The following HIPK4 variants were observed in gnomAD, a reference collection of about 807,000 sequenced individuals.
HIPK4 encodes the protein homeodomain interacting protein kinase 4.
HIPK4 carries 26 observed loss-of-function variants against 44.8 expected under a neutral mutation model. The observed-to-expected ratio is 0.58, with a 90% confidence interval of 0.43 to 0.80. The LOEUF (loss-of-function observed/expected upper bound fraction) is 0.80, where lower values mean the gene tolerates loss of function less well. HIPK4 is among the 30% of genes least tolerant of loss of function. The pLI is 0.00. For synonymous variants in HIPK4, 340 were observed against 355.5 expected (o/e 0.96, Z 0.49); for missense variants, 729 against 862.6 (o/e 0.85, Z 1.94).
intron 2 of HIPK4, among the ~76,000 whole-genome samples, chr19:40,381,895 T>C (rs1233617851): frequency 1.5e-5 from 2 of 135,992 alleles, no homozygotes; most frequent in Non-Finnish European, 1.5e-5. Context: ...AACCTCCACC[T>C]CCCAGGTTCA....
intron 1 of HIPK4, among the ~76,000 whole-genome samples, chr19:40,388,372 A>G (rs1419472255): frequency 6.6e-6 from 1 of 152,256 alleles, no homozygotes; most frequent in East Asian, 1.9e-4. Context: ...ATTAATTGCT[A>G]TTCTGATCCC....
intron 1 of HIPK4, among the ~76,000 whole-genome samples, chr19:40,388,678 C>T (rs1258194350): frequency 2.0e-5 from 3 of 152,204 alleles, no homozygotes; most frequent in Non-Finnish European, 4.4e-5. Flanking sequence ...AGGGACACAG[C>T]GATGATTAAG....
intron 1 of HIPK4, among the ~76,000 whole-genome samples, chr19:40,385,151 C>T (rs539025916): frequency 1.3e-5 from 2 of 152,334 alleles, no homozygotes; most frequent in South Asian, 4.1e-4. Flanking sequence ...CCTAGACCAA[C>T]GCGGGGGTCT....
intron 2 of HIPK4, among the ~76,000 whole-genome samples, chr19:40,382,075 G>A (rs543459762): frequency 6.6e-6 from 1 of 152,052 alleles, no homozygotes; most frequent in Non-Finnish European, 1.5e-5. Flanking sequence ...CAAAGTGCTG[G>A]GATTACAGGT....
At chr19:40,384,167 G>A in intron 1 of HIPK4, 28 bp from the exon 2 acceptor site, 1 of 1,538,320 alleles carries the variant, frequency 6.5e-7, no homozygotes, top group Non-Finnish European at 8.8e-7. Flanking sequence ...GAGGGCGAGT[G>A]GGCAGGTCAA....
In HIPK4 at chr19:40,379,483, T is replaced by G; in HGVS notation, c.*104A>C. 1 of 983,280 alleles carries G rather than the reference T, an allele frequency of 1.0e-6. No individual in the cohort carries two copies. The highest frequency in any genetic ancestry group is 1.8e-5 in the South Asian group (1 of 54,548). The allele number at this position is 983,280 out of a possible 1,614,324, so 60.9% of individuals were successfully genotyped here. ...CTGGATAACTATCTTTCTGTAAGAATAATTTGTGGGTTCAGGAGATGGCTC... is the reference window on the plus strand; with the variant it reads ...CTGGATAACTATCTTTCTGTAAGAAGAATTTGTGGGTTCAGGAGATGGCTC... On this transcript the variant is annotated 3_prime_UTR_variant, in exon 4 of 4. Transcript: ENST00000291823.
In HIPK4 at chr19:40,389,570, G is replaced by A. The variant is rs971876387; in HGVS notation, c.333C>T (p.Arg111=). 6.8e-6 allele frequency: 11 copies of A among 1,613,704 alleles called. No homozygotes were observed. The highest frequency in any genetic ancestry group is 5.5e-5 in the South Asian group (5 of 91,090). Residue 111 remains arginine (R), a synonymous_variant, in exon 1 of 4, where the codon CGC becomes CGT. Coordinates refer to ENST00000291823, the MANE Select transcript of HIPK4 (RefSeq NM_144685.5). This position sits in a 1 kb window ranked among gnomAD's most constrained non-coding sequence, Gnocchi z 4.6. The part of the protein sequence containing the change: ...KENNFAPLPA[R]HIRTVTLQVL... Reference sequence around the variant, plus strand: ...CCTGCAGGGTGACTGTACGGATGTGGCGGGCGGGGAGGGGCGCGAAGTTGT... The same window carrying A: ...CCTGCAGGGTGACTGTACGGATGTGACGGGCGGGGAGGGGCGCGAAGTTGT...
chr19:40,384,028 A>G lies in HIPK4; in HGVS notation c.577T>C (p.Cys193Arg), dbSNP rs759191946. Residue 193 changes from cysteine to arginine, a missense_variant, in exon 2 of 4, where the codon TGC (cysteine) becomes CGC (arginine). By Grantham distance (180) the Cys-to-Arg change is radical (BLOSUM62 -3). Coordinates refer to ENST00000291823, the MANE Select transcript of HIPK4 (RefSeq NM_144685.5). The part of the protein sequence containing the change: ...APEILLGLPF[C>R]EKVDVWSLGC... ...AGGGACCACACGTCCACCTTCTCGC[A>G]GAAGGGCAGCCCCAGCAGGATCTCA... 6.2e-6 allele frequency: 10 copies of G among 1,614,072 alleles called. No homozygotes were observed. The highest frequency in any genetic ancestry group is 8.5e-6 in the Non-Finnish European group (10 of 1,179,928).
chr19:40,379,967 C>T (rs775743140), intron 3 of HIPK4, among the ~76,000 whole-genome samples, 198 bp from the exon 4 acceptor site: 17 of 152,176 alleles, frequency 1.1e-4, no homozygotes, highest in Admixed American at 4.6e-4. Flanking sequence ...CCTCCCACCT[C>T]AGCCTCCTGA....
At chr19:40,386,966 T>C (rs796607648) in intron 1 of HIPK4, among the ~76,000 whole-genome samples, 23 of 152,062 alleles carry the variant, frequency 1.5e-4, no homozygotes, top group African/African-American at 4.8e-4. Context: ...GCGATTCTCC[T>C]GCCTCAGCCT....
chr19:40,384,100 G>A lies in HIPK4; in HGVS notation c.505C>T (p.Arg169Cys), dbSNP rs1171547119. ...FGSASIFSEV[R>C]YVKEPYIQSR... ...TGGATGTATGGCTCCTTCACGTAGC[G>A]CACCTCGCTGAAAATGCTGGCGGAT... The change falls in exon 2 of 4, where the codon CGC (arginine) becomes TGC (cysteine). Residue 169 changes from arginine to cysteine, a missense_variant. Physicochemically the swap from Arg to Cys is radical, Grantham distance 180. Coordinates refer to ENST00000291823, the MANE Select transcript of HIPK4 (RefSeq NM_144685.5). 5 of 1,597,634 alleles carry A rather than the reference G, an allele frequency of 3.1e-6. No homozygotes were observed. Among genetic ancestry groups the A allele is most frequent in the Non-Finnish European group, 3.4e-6 (4 of 1,168,244 alleles).
chr19:40,379,790 G>A (rs2145714568), intron 3 of HIPK4, 21 bp from the exon 4 acceptor site: 2 of 1,602,046 alleles, frequency 1.2e-6, no homozygotes, highest in Non-Finnish European at 1.7e-6. Flanking sequence ...AGAGAGAGGG[G>A]CATCAGCCAA....
Position 40,380,933 on chromosome 19 carries a change from C to T in HIPK4, c.1058G>A (p.Arg353His), listed in dbSNP as rs764500728. The T allele has an allele frequency of 1.1e-5, 17 of 1,609,426 alleles. No individual in the cohort carries two copies. Among genetic ancestry groups the T allele is most frequent in the Middle Eastern group, 1.6e-4 (1 of 6,072 alleles). Residue 353 changes from arginine (R) to histidine (H), a missense_variant, in exon 3 of 4, where the codon CGC becomes CAC. Physicochemically the swap from Arg to His is conservative, Grantham distance 29. Around this residue, in one of 2 missense-constraint regions of HIPK4, gnomAD observed 533 missense variants for 567.5 expected, o/e 0.94. Transcript: ENST00000291823. This position sits in a 1 kb window ranked among gnomAD's most constrained non-coding sequence, Gnocchi z 4.2. ...GTAGTGGGTGGTCTCGTGGGCACTG[C>T]GCAGCTGCTGCATGGACACGAAGGG... is the stretch of plus-strand genomic sequence containing the variant. ...RHPFVSMQQL[R>H]SAHETTHYYQ... is the part of the protein sequence containing the mutation.
Position 40,380,987 on chromosome 19 carries a change from C to A in HIPK4, c.1004G>T (p.Arg335Leu). The change falls in exon 3 of 4, where the codon CGC (arginine) becomes CTC (leucine). Residue 335 changes from arginine (R) to leucine (L), a missense_variant. Physicochemically the swap from Arg to Leu is moderately radical, Grantham distance 102 (BLOSUM62 -2). This residue lies in a region of HIPK4 where 533 missense variants were observed against 567.5 expected (regional missense o/e 0.94). Transcript: ENST00000291823. This position sits in a 1 kb window ranked among gnomAD's most constrained non-coding sequence, Gnocchi z 4.2. ...GCGCAGGGCAGCACTGGGGCTGATG[C>A]GTTCGTGTGACTCCCAGGTCAGCAT... ...KRMLTWESHE[R>L]ISPSAALRHP... The A allele has an allele frequency of 6.2e-7, 1 of 1,613,020 alleles. No individual in the cohort carries two copies. The highest frequency in any genetic ancestry group is 2.2e-5 in the East Asian group (1 of 44,886).
chr19:40,388,548 C>T (rs1467912584), intron 1 of HIPK4, among the ~76,000 whole-genome samples: 1 of 152,192 alleles, frequency 6.6e-6, no homozygotes, highest in African/African-American at 2.4e-5. Context: ...GAAGTCCCTG[C>T]TTCCCTGGGT....
intron 2 of HIPK4, among the ~76,000 whole-genome samples, 159 bp downstream of exon 2, chr19:40,383,624 G>A (rs1410241144): frequency 1.3e-5 from 2 of 151,592 alleles, no homozygotes; most frequent in African/African-American, 2.4e-5. Flanking sequence ...GTCTCACTAT[G>A]TTCCCCAGGC....
intron 1 of HIPK4, among the ~76,000 whole-genome samples, chr19:40,385,683 C>CTTTTTTTTTTTTTTTTTTTTTTT (rs142414559): frequency 1.3e-4 from 9 of 67,034 alleles, no homozygotes; most frequent in African/African-American, 2.6e-4. Context: ...CTTTTCTTTT[C>CTTTTTTTTTTTTTTTTTTTTTTT]TTTTTTTTTT....
chr19:40,384,276 T>TA, intron 1 of HIPK4, 137 bp from the exon 2 acceptor site: 1 of 684,762 alleles, frequency 1.5e-6, no homozygotes, highest in Non-Finnish European at 2.5e-6. Context: ...CTGTGATTCT[T>TA]TAGTTGCTTT....
rs2145714114 is a variant in HIPK4, at chr19:40,379,524, G to A, written c.*63C>T. On this transcript the variant is annotated 3_prime_UTR_variant, in exon 4 of 4. Coordinates refer to ENST00000291823, the MANE Select transcript of HIPK4 (RefSeq NM_144685.5). ...GAGATGGCTCTGAGGAGCAGTTCAG[G>A]TTGGGAGGGAATGCCAGCCCAGCTA... The A allele has an allele frequency of 4.5e-6, 6 of 1,344,602 alleles. No individual in the cohort carries two copies. Among genetic ancestry groups the A allele is most frequent in the South Asian group, 1.5e-5 (1 of 66,992 alleles). 83.3% of individuals were successfully genotyped at this position (1,344,602 alleles called of 1,614,324 possible). A position where few individuals can be genotyped will look rare whatever the true frequency, so the allele number is the denominator to read the frequency against.
Sources: gnomAD v4.1 joint callset for allele counts (sites outside exome capture counted in the v4.1 genomes callset) on GRCh38, gnomAD v4.1.1 for gene constraint, gnomAD v4.1.1 regional missense constraint, Gnocchi (gnomAD v3.1) non-coding constraint, MANE v1.5 for transcripts, NCBI Gene and HGNC (gene_info 2026-07-23, HGNC 2026-07-21) for gene names.